COL5A2: variants seen among roughly 807,000 people sequenced by gnomAD.
The protein encoded by COL5A2 is collagen type V alpha 2 chain.
Under a neutral mutation model 208.2 loss-of-function variants are expected in COL5A2, and 23 were observed. That is an observed-to-expected ratio of 0.11 (90% CI 0.08 to 0.16). The LOEUF is 0.16. COL5A2 is among the 10% of genes least tolerant of loss of function. COL5A2 has a pLI of 1.00. For synonymous variants in COL5A2, 625 were observed against 628.5 expected (o/e 0.99, Z 0.08); for missense variants, 1,590 against 1,956.4 (o/e 0.81, Z 3.53).
intron 45 of COL5A2, 122 bp downstream of exon 45, chr2:189,048,087 G>A (rs528170334): frequency 3.5e-6 from 3 of 845,842 alleles, no homozygotes; most frequent in East Asian, 2.6e-5. Flanking sequence ...AGAAACAGTT[G>A]TTATTCAGAA....
the COL5A2 span, chr2:189,311,192 A>ATT: frequency 1.1e-6 from 1 of 927,056 alleles, no homozygotes; most frequent in Non-Finnish European, 1.7e-6. Flanking sequence ...TGGCCAGACT[A>ATT]TTTTTTTTTC....
the COL5A2 span, among the ~76,000 whole-genome samples, chr2:189,420,259 G>T: frequency 6.6e-6 from 1 of 152,168 alleles, no homozygotes; most frequent in African/African-American, 2.4e-5. Context: ...GGATAATGGA[G>T]AACTGATTTA....
chr2:189,372,096 C>G, the COL5A2 span, among the ~76,000 whole-genome samples: 11 of 152,312 alleles, frequency 7.2e-5, no homozygotes, highest in African/African-American at 2.6e-4. Context: ...GTTGCTCCAG[C>G]TCCAGCTGCA....
chr2:189,066,831 C>G, intron 21 of COL5A2, 49 bp from the exon 22 acceptor site: 1 of 1,393,176 alleles, frequency 7.2e-7, no homozygotes, highest in Non-Finnish European at 1.0e-6. Context: ...TTTAGCTAGT[C>G]CAATCTGCTC....
chr2:189,034,807 T>C (rs1685409267), intron 53 of COL5A2, 109 bp downstream of exon 53: 1 of 1,252,962 alleles, frequency 8.0e-7, no homozygotes, highest in Non-Finnish European at 1.2e-6. Flanking sequence ...ACTGCTATTA[T>C]GCTCATATAC....
chr2:189,210,171 T>C (rs568158324), intron 1 of COL5A2, among the ~76,000 whole-genome samples: 64 of 152,256 alleles, frequency 4.2e-4, no homozygotes, highest in African/African-American at 1.5e-3. Flanking sequence ...AAGAAAAGTA[T>C]GAAACTATTC....
chr2:189,251,686 A>G, the COL5A2 span, among the ~76,000 whole-genome samples: 1 of 151,798 alleles, frequency 6.6e-6, no homozygotes, highest in South Asian at 2.1e-4. Flanking sequence ...TAAAAAGACC[A>G]GGACATAGGC....
chr2:189,079,880 T>C, intron 14 of COL5A2, 98 bp downstream of exon 14: 1 of 1,004,898 alleles, frequency 1.0e-6, no homozygotes, highest in Non-Finnish European at 1.6e-6. Flanking sequence ...TGTAGCCCTC[T>C]CTCCTGCTGA....
chr2:189,101,655 C>T (rs1164945549), intron 3 of COL5A2, among the ~76,000 whole-genome samples: 1 of 152,084 alleles, frequency 6.6e-6, no homozygotes, highest in Non-Finnish European at 1.5e-5. Flanking sequence ...CCTTCCAATA[C>T]TATCCTGACA....
intron 1 of COL5A2, among the ~76,000 whole-genome samples, chr2:189,224,261 C>G (rs1293691109): frequency 6.6e-6 from 1 of 151,996 alleles, no homozygotes; most frequent in Admixed American, 6.6e-5. Context: ...CCTGACTAAT[C>G]ATGTAAAAAA....
Position 189,085,011 on chromosome 2 carries a change from C to A in COL5A2, c.798+149G>T, listed in dbSNP as rs1686624110. On this transcript the variant is annotated intron_variant, in intron 11 of 53. Coordinates refer to ENST00000374866, the MANE Select transcript of COL5A2 (RefSeq NM_000393.5). The stretch of plus-strand genomic sequence containing the variant: ...AGCCCTTTTAGATATTTGTAAAATT[C>A]CATTCTGAGTGCTCCTGTTTACATT... 5 of 643,594 alleles carry A rather than the reference C, an allele frequency of 7.8e-6. No individual in the cohort carries two copies. The Admixed American group carries it at 1.0e-4, about 13-fold the overall frequency. The allele number at this position is 643,594 out of a possible 1,614,324, so 39.9% of individuals were successfully genotyped here.
the COL5A2 span, among the ~76,000 whole-genome samples, chr2:189,341,194 T>C: frequency 6.6e-6 from 1 of 152,188 alleles, no homozygotes. Flanking sequence ...GAAAGTCCCA[T>C]AATTCTAACA....
chr2:189,104,214 T>C (rs1276123008), intron 3 of COL5A2, 50 bp downstream of exon 3: 5 of 1,330,128 alleles, frequency 3.8e-6, no homozygotes, highest in East Asian at 4.6e-5. Context: ...GTGGATAGTA[T>C]TGGATATAAG....
intron 1 of COL5A2, among the ~76,000 whole-genome samples, chr2:189,112,769 T>C (rs1687309504): frequency 6.6e-6 from 1 of 152,200 alleles, no homozygotes; most frequent in South Asian, 2.1e-4. Context: ...TGTTTTAATA[T>C]GCTTTTCTGG....
chr2:189,361,857 C>T, the COL5A2 span, among the ~76,000 whole-genome samples: 27 of 151,960 alleles, frequency 1.8e-4, no homozygotes, highest in African/African-American at 5.8e-4. Context: ...TAATGACTTA[C>T]CTTTGATCAC....
chr2:189,088,292 A>T (rs1686707903), intron 8 of COL5A2, among the ~76,000 whole-genome samples: 1 of 152,254 alleles, frequency 6.6e-6, no homozygotes, highest in Admixed American at 6.5e-5. Context: ...AGTAGAAAAT[A>T]ATAAAAATGA....
chr2:189,160,991 C>T (rs1198715521), intron 1 of COL5A2, among the ~76,000 whole-genome samples: 3 of 151,556 alleles, frequency 2.0e-5, no homozygotes, highest in African/African-American at 7.3e-5. Flanking sequence ...CCACCATACT[C>T]GGCTAATTTT....
chr2:189,165,993 G>C (rs1386301993), intron 1 of COL5A2, among the ~76,000 whole-genome samples: 1 of 151,730 alleles, frequency 6.6e-6, no homozygotes, highest in African/African-American at 2.4e-5. Flanking sequence ...TAAAAAATAG[G>C]GTAAAAAATA....
chr2:189,214,804 G>C (rs1689258405), intron 1 of COL5A2, among the ~76,000 whole-genome samples: 1 of 152,050 alleles, frequency 6.6e-6, no homozygotes, highest in African/African-American at 2.4e-5. Flanking sequence ...TTGAAATTCT[G>C]CAAAAGGTAC....
Sources: allele counts gnomAD v4.1 joint callset (sites outside exome capture counted in the v4.1 genomes callset), GRCh38; gene constraint gnomAD v4.1.1; transcripts MANE v1.5; gene names NCBI Gene and HGNC (gene_info 2026-07-23, HGNC 2026-07-21).